The following TLL1 variants were observed in gnomAD, a reference collection of about 807,000 sequenced individuals.
The protein encoded by TLL1 is tolloid-like protein 1.
In TLL1, 49 loss-of-function variants were observed where a neutral mutation model predicts 128.2. The observed-to-expected ratio is 0.38, with a 90% CI of 0.30 to 0.48. The LOEUF (loss-of-function observed/expected upper bound fraction) is 0.48, where lower values mean the gene tolerates loss of function less well. Among genes scored for constraint, TLL1 ranks in the 20% least tolerant of loss-of-function variants. The pLI is 0.96. For missense variants in TLL1, 1,123 were observed against 1,242.0 expected (o/e 0.90, Z 1.44); for synonymous variants, 454 against 418.8 (o/e 1.08, Z -1.03).
intron 15 of TLL1, among the ~76,000 whole-genome samples, chr4:166,061,816 G>T (rs1178920323): frequency 6.6e-6 from 1 of 152,116 alleles, no homozygotes; most frequent in African/African-American, 2.4e-5. Flanking sequence ...GAATGGTATT[G>T]CCTAGGTTTT....
intron 14 of TLL1, among the ~76,000 whole-genome samples, chr4:166,058,456 A>T (rs920018282): frequency 9.8e-5 from 15 of 152,324 alleles, no homozygotes; most frequent in Non-Finnish European, 1.6e-4. Context: ...TGATTTTTTT[A>T]AAAAGACTTT....
At chr4:165,990,519 T>C (rs7356285) in intron 2 of TLL1, among the ~76,000 whole-genome samples, 9,242 of 152,038 alleles carry the variant, frequency 0.061, 928 homozygotes, top group African/African-American at 0.21. Flanking sequence ...ACCTATTAGA[T>C]TGTAGAATAG....
chr4:165,976,625 T>G (rs1284788072), intron 1 of TLL1, among the ~76,000 whole-genome samples: 1 of 152,244 alleles, frequency 6.6e-6, no homozygotes, highest in Admixed American at 6.5e-5. Flanking sequence ...ATGGGACTAA[T>G]TCTATTAGAT....
chr4:165,876,766 T>C (rs1373508465), intron 1 of TLL1, among the ~76,000 whole-genome samples: 1 of 152,238 alleles, frequency 6.6e-6, no homozygotes, highest in Non-Finnish European at 1.5e-5. Context: ...TACACTGCAT[T>C]CTTAGTTGGC....
At position 166,093,183 on chromosome 4, in the gene TLL1, C is replaced by T. The variant is rs184826185; in HGVS notation, c.2656+1842C>T. 3.3e-5 allele frequency among the ~76,000 whole-genome samples: 5 copies of T among 152,130 alleles called. No homozygotes were observed. In the South Asian group the frequency reaches 6.2e-4, roughly 19 times the overall value. ...AGAAATAATAGTGGGCCCAGGAGAC[C>T]GGCACTTAGCACACCAAGGACCTGC... On this transcript the variant is annotated intron_variant, in intron 19 of 20. Transcript: ENST00000061240.
intron 1 of TLL1, among the ~76,000 whole-genome samples, chr4:165,936,899 C>T (rs887477718): frequency 6.6e-6 from 1 of 152,086 alleles, no homozygotes; most frequent in Non-Finnish European, 1.5e-5. Context: ...CCCCACTGCA[C>T]CCCAGCCTGA....
chr4:166,002,884 AG>A (rs1737236007), intron 5 of TLL1, among the ~76,000 whole-genome samples: 1 of 152,226 alleles, frequency 6.6e-6, no homozygotes, highest in Non-Finnish European at 1.5e-5. Context: ...TTTTTCTCAA[AG>A]AGGAAAAATA....
At chr4:165,930,510 A>G (rs1733469138) in intron 1 of TLL1, among the ~76,000 whole-genome samples, 1 of 152,136 alleles carries the variant, frequency 6.6e-6, no homozygotes. Flanking sequence ...AACACAGTAA[A>G]ATTTACTGTG....
chr4:166,027,077 T>C (rs536958742), intron 9 of TLL1, among the ~76,000 whole-genome samples: 106 of 152,296 alleles, frequency 7.0e-4, no homozygotes, highest in Non-Finnish European at 1.4e-3. Context: ...AATGAACTCA[T>C]GTCCTTGTAG....
chr4:165,973,846 A>G (rs1440131876), intron 1 of TLL1, among the ~76,000 whole-genome samples: 1 of 151,780 alleles, frequency 6.6e-6, no homozygotes, highest in Admixed American at 6.6e-5. Flanking sequence ...TTGTATTTTT[A>G]ATAGAGATGG....
At chr4:165,925,206 T>C (rs1733214323) in intron 1 of TLL1, among the ~76,000 whole-genome samples, 1 of 152,232 alleles carries the variant, frequency 6.6e-6, no homozygotes, top group Non-Finnish European at 1.5e-5. Context: ...ATGGTTGCCA[T>C]AAATAGTGAT....
At chr4:166,085,988 T>C (rs74416007) in intron 18 of TLL1, among the ~76,000 whole-genome samples, 9,078 of 152,208 alleles carry the variant, frequency 0.06, 456 homozygotes, top group African/African-American at 0.13. Context: ...ATAAACAAGC[T>C]TTCTTTCACT....
At chr4:165,983,684 G>A (rs1261382143) in intron 1 of TLL1, among the ~76,000 whole-genome samples, 1 of 151,790 alleles carries the variant, frequency 6.6e-6, no homozygotes, top group Non-Finnish European at 1.5e-5. Context: ...TTGAGGAGAA[G>A]TTCTATGCCC....
chr4:165,964,557 T>C (rs1479701764), intron 1 of TLL1, among the ~76,000 whole-genome samples: 1 of 152,198 alleles, frequency 6.6e-6, no homozygotes, highest in Non-Finnish European at 1.5e-5. Flanking sequence ...TAAATCTCTC[T>C]TATATTTAGT....
intron 9 of TLL1, among the ~76,000 whole-genome samples, chr4:166,028,536 TTCTC>T (rs1269545213): frequency 6.6e-6 from 1 of 152,032 alleles, no homozygotes; most frequent in African/African-American, 2.4e-5. Context: ...TGCTCATAGA[TTCTC>T]TATATTATTG....
At chr4:166,044,561 C>A (rs531395356) in intron 12 of TLL1, 10 of 804,704 alleles carry the variant, frequency 1.2e-5, no homozygotes, top group Non-Finnish European at 1.9e-5. Context: ...GTATTTTATG[C>A]TCCAGACCAT....
At chr4:166,073,083 G>T (rs1193755100) in intron 16 of TLL1, among the ~76,000 whole-genome samples, 2 of 152,044 alleles carry the variant, frequency 1.3e-5, no homozygotes, top group Admixed American at 6.6e-5. Context: ...GAATAATTCT[G>T]CCACCAGCAT....
At chr4:165,886,940 G>A (rs1210261579) in intron 1 of TLL1, among the ~76,000 whole-genome samples, 1 of 152,052 alleles carries the variant, frequency 6.6e-6, no homozygotes, top group African/African-American at 2.4e-5. Flanking sequence ...GAAAAGATGG[G>A]GCAAAACTTT....
chr4:166,033,848 T>G (rs560629593), intron 9 of TLL1, among the ~76,000 whole-genome samples: 45 of 152,292 alleles, frequency 3.0e-4, no homozygotes, highest in Non-Finnish European at 5.9e-4. Flanking sequence ...TATTGATTCT[T>G]GCATCCCTTA....
Sources: allele counts gnomAD v4.1 joint callset (sites outside exome capture counted in the v4.1 genomes callset), GRCh38; gene constraint gnomAD v4.1.1; transcripts MANE v1.5; gene names NCBI Gene and HGNC (gene_info 2026-07-23, HGNC 2026-07-21).